Variants in NCK2 observed in about 807,000 individuals in gnomAD.
NCK2 encodes cytoplasmic protein NCK2.
NCK2 carries 16 observed loss-of-function variants against 33.9 expected under a neutral mutation model. That is an observed-to-expected ratio of 0.47 (90% CI 0.32 to 0.72). NCK2 has a LOEUF of 0.72. NCK2 is among the 30% of genes least tolerant of loss of function. The pLI, the probability that NCK2 is intolerant of heterozygous loss-of-function variation, is 0.03. For synonymous variants in NCK2, 273 were observed against 239.9 expected (o/e 1.14, Z -1.27); for missense variants, 418 against 537.3 (o/e 0.78, Z 2.19).
At chr2:105,794,366 T>C (rs1029880670) in intron 1 of NCK2, among the ~76,000 whole-genome samples, 5 of 152,198 alleles carry the variant, frequency 3.3e-5, no homozygotes, top group South Asian at 2.1e-4. Context: ...CCTTTGATTT[T>C]ATATTTCCTT....
rs1054943891 is a variant in NCK2, at chr2:105,893,017, G to A, written c.984G>A (p.Gly328=). 2.5e-6 allele frequency: 4 copies of A among 1,613,820 alleles called. No homozygotes were observed. The highest frequency in any genetic ancestry group is 3.3e-5 in the Admixed American group (2 of 60,018). ...TCTCCGTGTCCCTTAAAGCGTCAGGGAAGAACAAACACTTCAAGGTGCAGC... is the reference window on the plus strand; with the variant it reads ...TCTCCGTGTCCCTTAAAGCGTCAGGAAAGAACAAACACTTCAAGGTGCAGC... ...SDFSVSLKAS[G]KNKHFKVQLV... Residue 328 remains glycine (G), a synonymous_variant, in exon 5 of 5, where the codon GGG becomes GGA. Transcript: ENST00000233154.
At chr2:105,812,133 T>A (rs1341498115) in intron 1 of NCK2, among the ~76,000 whole-genome samples, 1 of 152,210 alleles carries the variant, frequency 6.6e-6, no homozygotes, top group Non-Finnish European at 1.5e-5. Context: ...AAAAACTTGA[T>A]ACTTTTACTT....
intron 3 of NCK2, among the ~76,000 whole-genome samples, chr2:105,872,155 C>T (rs151296887): frequency 1.4e-3 from 214 of 152,296 alleles, no homozygotes; most frequent in African/African-American, 4.5e-3. Context: ...TTGCTTTGCT[C>T]GACACGTTTC....
chr2:105,854,645 G>T (rs891171129), intron 2 of NCK2: 1 of 156,450 alleles, frequency 6.4e-6, no homozygotes, highest in Non-Finnish European at 1.4e-5. Context: ...GGAGTAGTTT[G>T]GTTATGTTGA....
chr2:105,885,308 T>C (rs555762146), intron 4 of NCK2, among the ~76,000 whole-genome samples: 1 of 152,242 alleles, frequency 6.6e-6, no homozygotes, highest in African/African-American at 2.4e-5. Flanking sequence ...ACAGTACTTT[T>C]TTTTCCAGTA....
At chr2:105,865,107 C>T (rs2104612919) in intron 3 of NCK2, among the ~76,000 whole-genome samples, 1 of 152,286 alleles carries the variant, frequency 6.6e-6, no homozygotes, top group East Asian at 1.9e-4. Flanking sequence ...GGCTTCCACC[C>T]TGAAGCCAAA....
intron 1 of NCK2, among the ~76,000 whole-genome samples, chr2:105,806,238 CTTTTTTTT>C (rs56141591): frequency 8.8e-5 from 12 of 135,970 alleles, no homozygotes; most frequent in African/African-American, 1.2e-4. Flanking sequence ...CATTTTCTTT[CTTTTTTTT>C]TTTTTTTTTG....
intron 1 of NCK2, among the ~76,000 whole-genome samples, chr2:105,813,542 C>T (rs576581048): frequency 6.6e-6 from 1 of 152,312 alleles, no homozygotes; most frequent in South Asian, 2.1e-4. Flanking sequence ...TGGAGGAAAC[C>T]AGCCCAGGTG....
chr2:105,804,909 C>G (rs1377413196), intron 1 of NCK2, among the ~76,000 whole-genome samples: 1 of 152,180 alleles, frequency 6.6e-6, no homozygotes, highest in East Asian at 1.9e-4. Flanking sequence ...CAGGGCCTAA[C>G]ATGGCACTAA....
intron 1 of NCK2, among the ~76,000 whole-genome samples, chr2:105,761,538 CAT>C (rs1689764204): frequency 6.6e-6 from 1 of 152,128 alleles, no homozygotes; most frequent in African/African-American, 2.4e-5. Flanking sequence ...TATTCATTCA[CAT>C]AGATATAATT....
At chr2:105,774,417 G>GAC (rs1189132847) in intron 1 of NCK2, among the ~76,000 whole-genome samples, 5 of 152,128 alleles carry the variant, frequency 3.3e-5, no homozygotes, top group African/African-American at 9.7e-5. Context: ...TGACTGGTCT[G>GAC]ACAGATGCTC....
intron 2 of NCK2, among the ~76,000 whole-genome samples, chr2:105,839,856 G>C (rs952783974): frequency 4.6e-5 from 7 of 152,186 alleles, no homozygotes; most frequent in African/African-American, 1.4e-4. Context: ...CAAGTAGAGT[G>C]AGCCAGAAAA....
chr2:105,764,976 T>A (rs1241413351), intron 1 of NCK2, among the ~76,000 whole-genome samples: 1 of 152,100 alleles, frequency 6.6e-6, no homozygotes, highest in African/African-American at 2.4e-5. Context: ...GTAGACAAGG[T>A]GCCTGTGTAC....
chr2:105,777,246 T>C (rs1229198866), intron 1 of NCK2, among the ~76,000 whole-genome samples: 1 of 152,064 alleles, frequency 6.6e-6, no homozygotes, highest in Admixed American at 6.6e-5. Context: ...CGAGCCGGGG[T>C]GTTGCGGGGG....
At chr2:105,834,171 G>GT (rs1399128399) in intron 2 of NCK2, among the ~76,000 whole-genome samples, 27 of 152,204 alleles carry the variant, frequency 1.8e-4, no homozygotes, top group Admixed American at 1.3e-4. Flanking sequence ...ACATAGTGCA[G>GT]TTTAAGTCTG....
chr2:105,784,933 T>C (rs1215185651), intron 1 of NCK2, among the ~76,000 whole-genome samples: 1 of 152,224 alleles, frequency 6.6e-6, no homozygotes, highest in African/African-American at 2.4e-5. Flanking sequence ...AGCAGGTAGT[T>C]GTTTTTTATG....
chr2:105,805,281 G>A (rs1328412331), intron 1 of NCK2, among the ~76,000 whole-genome samples: 1 of 152,210 alleles, frequency 6.6e-6, no homozygotes, highest in East Asian at 1.9e-4. Flanking sequence ...AATAGCAGAC[G>A]CGAGGGCAAA....
chr2:105,798,436 T>G (rs1691160978), intron 1 of NCK2, among the ~76,000 whole-genome samples: 1 of 152,196 alleles, frequency 6.6e-6, no homozygotes, highest in Non-Finnish European at 1.5e-5. Context: ...CAAGTCTAGC[T>G]TTTAACAATG....
At chr2:105,870,965 C>T (rs1173919305) in intron 3 of NCK2, among the ~76,000 whole-genome samples, 1 of 152,008 alleles carries the variant, frequency 6.6e-6, no homozygotes, top group African/African-American at 2.4e-5. Context: ...GAAGAAATAG[C>T]TGCAGAGCAG....
Sources: gnomAD v4.1 joint callset for allele counts (sites outside exome capture counted in the v4.1 genomes callset) on GRCh38, gnomAD v4.1.1 for gene constraint, MANE v1.5 for transcripts, NCBI Gene and HGNC (gene_info 2026-07-23, HGNC 2026-07-21) for gene names.